AP3S1: variants seen among roughly 807,000 people sequenced by gnomAD.
AP3S1 encodes adaptor related protein complex 3 subunit sigma 1.
A neutral mutation model predicts 21.3 loss-of-function variants in AP3S1; 12 were observed. The observed-to-expected ratio is 0.56, with a 90% CI of 0.36 to 0.91. The LOEUF is 0.91. Ranked by LOEUF, AP3S1 falls within the 40% of genes least tolerant of loss-of-function variation. The probability of loss-of-function intolerance (pLI) is 0.01; values close to 1 mark genes in which losing one functional copy is unlikely to be tolerated. For missense variants in AP3S1, 116 were observed against 225.0 expected (o/e 0.52, Z 3.10); for synonymous variants, 48 against 78.4 (o/e 0.61, Z 2.05).
At chr5:115,853,654 G>T (rs757115310) in intron 1 of AP3S1, among the ~76,000 whole-genome samples, 3 of 152,092 alleles carry the variant, frequency 2.0e-5, no homozygotes, top group Non-Finnish European at 4.4e-5. Context: ...GTGAGGTGGG[G>T]ATCCAGTTTT....
rs536877831 is a variant in AP3S1, at chr5:115,854,966, T to C, written c.70-11704T>C. Among the ~76,000 whole-genome samples, 35 of 152,160 alleles carry C rather than the reference T, an allele frequency of 2.3e-4. 1 individual carries two copies. In the South Asian group the frequency reaches 2.5e-3, roughly 11 times the overall value. The stretch of plus-strand genomic sequence containing the variant: ...CGCCCTCTACCTTTTATTATAAAGT[T>C]ATTTTCTATATATGTATGCTTATAT... On this transcript the variant is annotated intron_variant, in intron 1 of 5. Coordinates refer to ENST00000316788, the MANE Select transcript of AP3S1 (RefSeq NM_001284.4).
chr5:115,844,847 G>T (rs994836749), intron 1 of AP3S1, among the ~76,000 whole-genome samples: 1 of 151,906 alleles, frequency 6.6e-6, no homozygotes, highest in Non-Finnish European at 1.5e-5. Context: ...ATAATTCCTC[G>T]TGGCAGCCAT....
chr5:115,906,545 A>G (rs1040246081), intron 5 of AP3S1, among the ~76,000 whole-genome samples: 1 of 151,954 alleles, frequency 6.6e-6, no homozygotes, highest in Non-Finnish European at 1.5e-5. Flanking sequence ...TTACTATAAC[A>G]TTGGAATATT....
intron 3 of AP3S1, among the ~76,000 whole-genome samples, chr5:115,888,457 A>G (rs991145925): frequency 1.3e-5 from 2 of 152,154 alleles, no homozygotes; most frequent in African/African-American, 4.8e-5. Context: ...GATATTAAAT[A>G]ATTTTTGCTA....
At chr5:115,902,121 T>C (rs1004938574) in intron 4 of AP3S1, among the ~76,000 whole-genome samples, 2 of 152,202 alleles carry the variant, frequency 1.3e-5, no homozygotes, top group African/African-American at 4.8e-5. Context: ...TCTGTATTCA[T>C]ACTTATCTAA....
At position 115,907,755 on chromosome 5, in the gene AP3S1, A is replaced by T. The variant is rs146188161; in HGVS notation, c.453+4763A>T. On this transcript the variant is annotated intron_variant, in intron 5 of 5. Coordinates refer to ENST00000316788, the MANE Select transcript of AP3S1 (RefSeq NM_001284.4). ...AATAGACCTCTAGTTTTACAAAACTAATTTTTCTTCTGATATTTCCTGTAC... is the reference window on the plus strand; with the variant it reads ...AATAGACCTCTAGTTTTACAAAACTTATTTTTCTTCTGATATTTCCTGTAC... Among the ~76,000 whole-genome samples the T allele has an allele frequency of 2.6e-5, 4 of 152,316 alleles. No individual in the cohort carries two copies. In the South Asian group the frequency reaches 8.3e-4, roughly 32 times the overall value.
chr5:115,852,062 T>C (rs1762476902), intron 1 of AP3S1, among the ~76,000 whole-genome samples: 1 of 152,186 alleles, frequency 6.6e-6, no homozygotes, highest in Admixed American at 6.6e-5. Flanking sequence ...TGATTACTTT[T>C]ATTACTGCTT....
At chr5:115,895,822 A>G (rs1406196491) in intron 4 of AP3S1, among the ~76,000 whole-genome samples, 2 of 152,196 alleles carry the variant, frequency 1.3e-5, no homozygotes, top group Non-Finnish European at 2.9e-5. Context: ...AGACACTACG[A>G]TGAGGTTTGA....
intron 3 of AP3S1, among the ~76,000 whole-genome samples, chr5:115,878,648 T>G (rs1748978310): frequency 6.6e-6 from 1 of 152,232 alleles, no homozygotes; most frequent in Non-Finnish European, 1.5e-5. Flanking sequence ...TCAGCTTTAT[T>G]CCTTTTGTTT....
chr5:115,858,627 C>G (rs1330195868), intron 1 of AP3S1, among the ~76,000 whole-genome samples: 3 of 151,666 alleles, frequency 2.0e-5, no homozygotes, highest in Non-Finnish European at 4.4e-5. Flanking sequence ...TTTCTTTGGA[C>G]TCTTCTACGT....
chr5:115,875,958 C>A (rs528536709), intron 3 of AP3S1, among the ~76,000 whole-genome samples: 74 of 152,224 alleles, frequency 4.9e-4, no homozygotes, highest in African/African-American at 1.7e-3. Flanking sequence ...CTATTTGTGA[C>A]AAATCCTGGT....
rs1751326222 is a variant in AP3S1, at chr5:115,902,832, A to T, written c.346-53A>T. On this transcript the variant is annotated intron_variant, in intron 4 of 5. Coordinates refer to ENST00000316788, the MANE Select transcript of AP3S1 (RefSeq NM_001284.4). ...TTTGAAACAAAAAGTGAATCATGAA[A>T]CTTCTTTTTAGTGAATTTTCTTTAT... The T allele has an allele frequency of 9.2e-6, 12 of 1,306,110 alleles. No individual in the cohort carries two copies. The Middle Eastern group carries it at 2.2e-3, about 235-fold the overall frequency. The allele number at this position is 1,306,110 out of a possible 1,614,324, so 80.9% of individuals were successfully genotyped here.
intron 3 of AP3S1, among the ~76,000 whole-genome samples, chr5:115,892,916 T>C (rs919417134): frequency 1.3e-5 from 2 of 152,164 alleles, no homozygotes; most frequent in African/African-American, 4.8e-5. Context: ...TCAAAACATC[T>C]CATGTACCCC....
chr5:115,900,770 T>C (rs1345998747), intron 4 of AP3S1, among the ~76,000 whole-genome samples: 1 of 152,212 alleles, frequency 6.6e-6, no homozygotes, highest in Non-Finnish European at 1.5e-5. Context: ...GTGACATGAC[T>C]CCTGGTTCTT....
intron 3 of AP3S1, among the ~76,000 whole-genome samples, chr5:115,879,187 A>C (rs950420584): frequency 9.2e-5 from 14 of 152,136 alleles, no homozygotes; most frequent in African/African-American, 2.9e-4. Flanking sequence ...AATACAGTTT[A>C]TTTCTTTCTC....
At chr5:115,889,215 G>A (rs533678970) in intron 3 of AP3S1, among the ~76,000 whole-genome samples, 15 of 152,132 alleles carry the variant, frequency 9.9e-5, no homozygotes, top group Admixed American at 4.6e-4. Context: ...GAACTATTTA[G>A]ACAGCATTTT....
intron 3 of AP3S1, among the ~76,000 whole-genome samples, chr5:115,889,962 C>T (rs1213804406): frequency 6.6e-6 from 1 of 152,140 alleles, no homozygotes; most frequent in African/African-American, 2.4e-5. Context: ...CCACCACACA[C>T]CCTTGAGTAT....
chr5:115,911,095 T>C (rs892658194), intron 5 of AP3S1, among the ~76,000 whole-genome samples: 14 of 152,158 alleles, frequency 9.2e-5, no homozygotes, highest in African/African-American at 1.7e-4. Flanking sequence ...ATATTGACTT[T>C]ATGTATTCTT....
At position 115,913,810 on chromosome 5, in the gene AP3S1, T is replaced by G. The variant is rs1213045585; in HGVS notation, c.*320T>G. 1 of 249,412 alleles carries G rather than the reference T, an allele frequency of 4.0e-6. No individual in the cohort carries two copies. The highest frequency in any genetic ancestry group is 2.3e-5 in the African/African-American group (1 of 44,444). 15.4% of individuals were successfully genotyped at this position (249,412 alleles called of 1,614,324 possible). A position where few individuals can be genotyped will look rare whatever the true frequency, so the allele number is the denominator to read the frequency against. ...AAAAGTGTTTCAGATATTTCTCTAATTATGTACAACCTAAAATGTTGGTGT... is the reference window on the plus strand; with the variant it reads ...AAAAGTGTTTCAGATATTTCTCTAAGTATGTACAACCTAAAATGTTGGTGT... On this transcript the variant is annotated 3_prime_UTR_variant, in exon 6 of 6. Coordinates refer to ENST00000316788, the MANE Select transcript of AP3S1 (RefSeq NM_001284.4).
Sources: gnomAD v4.1 joint callset for allele counts (sites outside exome capture counted in the v4.1 genomes callset) on GRCh38, gnomAD v4.1.1 for gene constraint, MANE v1.5 for transcripts, NCBI Gene and HGNC (gene_info 2026-07-23, HGNC 2026-07-21) for gene names.